KCTD2: variants seen among roughly 807,000 people sequenced by gnomAD.
The protein encoded by KCTD2 is potassium channel tetramerization domain containing 2, also known as BTB/POZ domain-containing protein KCTD2.
A neutral mutation model predicts 27.9 loss-of-function variants in KCTD2; 18 were observed. That is an observed-to-expected ratio of 0.64 (90% CI 0.45 to 0.96). The LOEUF (loss-of-function observed/expected upper bound fraction) is 0.96. KCTD2 is among the 40% of genes least tolerant of loss of function. The pLI is 0.00. For synonymous variants in KCTD2, 175 were observed against 148.4 expected, an observed-to-expected ratio of 1.18 and a Z score of -1.30; for missense variants, 280 against 348.0, an observed-to-expected ratio of 0.80 and a Z score of 1.56.
chr17:75,060,662 C>T (rs12232542), intron 4 of KCTD2: 120,827 of 1,511,446 alleles, frequency 0.08, 12,598 homozygotes, highest in East Asian at 0.64. Context: ...AGGGAGGGCG[C>T]GCGTGCGAGG....
rs752034912 is a variant in KCTD2, at chr17:75,059,526, T to C, written c.557T>C (p.Val186Ala). The change falls in exon 4 of 6, where the codon GTG becomes GCG. Residue 186 changes from valine (V) to alanine (A), a missense_variant. Coordinates refer to ENST00000322444, the MANE Select transcript of KCTD2 (RefSeq NM_015353.3). The stretch of plus-strand genomic sequence containing the variant: ...TCATTGCAGGGCCCCGTGAAGCACG[T>C]GTACAGAGTCCTGCAGTGTCAGGAA... The part of the protein sequence containing the change: ...NRTSQGPVKH[V>A]YRVLQCQEEE... The C allele has an allele frequency of 6.2e-7, 1 of 1,613,632 alleles. No homozygotes were observed. Among genetic ancestry groups the C allele is most frequent in the South Asian group, 1.1e-5 (1 of 91,044 alleles).
chr17:75,062,370 C>A, intron 5 of KCTD2, 125 bp downstream of exon 5: 1 of 890,296 alleles, frequency 1.1e-6, no homozygotes. Flanking sequence ...TGCATTTTCC[C>A]CTCGTTTTGT....
At position 75,057,597 on chromosome 17, in the gene KCTD2, T is replaced by C. The variant is rs545080110; in HGVS notation, c.541-1913T>C. ...TTCCTCGAGGCAGAGTCTTACTCTG[T>C]CGCCCAGGCTGGAGTGCAATGGCGC... On this transcript the variant is annotated intron_variant, in intron 3 of 5. Coordinates refer to ENST00000322444, the MANE Select transcript of KCTD2 (RefSeq NM_015353.3). 1.9e-4 allele frequency among the ~76,000 whole-genome samples: 29 copies of C among 150,044 alleles called. No individual in the cohort carries two copies. In the East Asian group the frequency reaches 5.0e-3, roughly 26 times the overall value.
In KCTD2 at chr17:75,059,641, G is replaced by A. The variant is rs191095843; in HGVS notation, c.636+36G>A. The A allele has an allele frequency of 1.0e-4, 151 of 1,493,514 alleles. No homozygotes were observed. In the East Asian group the frequency reaches 1.3e-3, roughly 13 times the overall value. The allele number at this position is 1,493,514 out of a possible 1,614,324, so 92.5% of individuals were successfully genotyped here. A position where few individuals can be genotyped will look rare whatever the true frequency, so the allele number is the denominator to read the frequency against. The stretch of plus-strand genomic sequence containing the variant: ...TAACAGAGCAGCAATCCCAGGCCCC[G>A]TTCAAGGGGTCTGCAGCTCTTCAAA... On this transcript the variant is annotated intron_variant, in intron 4 of 5. Coordinates refer to ENST00000322444, the MANE Select transcript of KCTD2 (RefSeq NM_015353.3).
chr17:75,061,701 G>T (rs950432831), intron 4 of KCTD2, among the ~76,000 whole-genome samples: 1 of 152,156 alleles, frequency 6.6e-6, no homozygotes. Context: ...TCAGTGATTG[G>T]CTCGGTGCTT....
At chr17:75,044,426 C>T (rs1218031368), upstream of KCTD2, among the ~76,000 whole-genome samples, 2 of 113,782 alleles carry the variant, frequency 1.8e-5, no homozygotes, top group Non-Finnish European at 3.1e-5. Context: ...AGGATGGTCT[C>T]GATCTCCTGA....
chr17:75,051,210 C>T (rs1486393226), intron 2 of KCTD2, among the ~76,000 whole-genome samples: 1 of 150,748 alleles, frequency 6.6e-6, no homozygotes, highest in Non-Finnish European at 1.5e-5. Flanking sequence ...GATCTCCTGA[C>T]CTTGTGATCT....
chr17:75,047,657 G>C lies in KCTD2; in HGVS notation c.339+68G>C, dbSNP rs60135053. 3 of 1,491,994 alleles carry C rather than the reference G, an allele frequency of 2.0e-6. No homozygotes were observed. The Admixed American group carries it at 6.2e-5, about 31-fold the overall frequency. The allele number at this position is 1,491,994 out of a possible 1,614,324, so 92.4% of individuals were successfully genotyped here. ...CTGGTTTCTCGTAGATCGGTCCCCA[G>C]AGTCCTGAGACACGCTCCTCACAGG... On this transcript the variant is annotated intron_variant, in intron 1 of 5. Transcript: ENST00000322444.
chr17:75,055,497 C>G (rs1048745461), intron 3 of KCTD2, among the ~76,000 whole-genome samples: 3 of 151,574 alleles, frequency 2.0e-5, no homozygotes, highest in Non-Finnish European at 2.9e-5. Flanking sequence ...GGGCAGATCA[C>G]TTGAGGTCAG....
intron 3 of KCTD2, chr17:75,042,131 T>C (rs1240780134): frequency 6.6e-7 from 1 of 1,507,698 alleles, no homozygotes; most frequent in East Asian, 2.3e-5. Flanking sequence ...TCCTGCTCCC[T>C]ACCCACAGGC....
chr17:75,036,242 C>G (rs1363438956), intron 3 of KCTD2, among the ~76,000 whole-genome samples: 4 of 151,366 alleles, frequency 2.6e-5, no homozygotes, highest in Admixed American at 2.6e-4. Flanking sequence ...TTGTCTGCAG[C>G]AGACAAACAA....
At chr17:75,036,895 G>T (rs1485030962) in intron 3 of KCTD2, among the ~76,000 whole-genome samples, 1 of 152,096 alleles carries the variant, frequency 6.6e-6, no homozygotes, top group Admixed American at 6.6e-5. Flanking sequence ...AGTTTTGGGG[G>T]GAGTAGACTC....
rs2073232455 is a variant in KCTD2, at chr17:75,047,271, C to G, written c.21C>G (p.Asp7Glu). MAELQLDPAMAGLGGGG... is the reference protein window; with the variant it reads MAELQLEPAMAGLGGGG... The stretch of plus-strand genomic sequence containing the variant: ...CCAAGATGGCGGAACTGCAGCTGGA[C>G]CCGGCGATGGCGGGGCTGGGAGGGG... Residue 7 changes from aspartate to glutamate, a missense_variant, in exon 1 of 6, where the codon GAC becomes GAG. Asp to Glu is a conservative substitution (Grantham distance 45, BLOSUM62 2). Coordinates refer to ENST00000322444, the MANE Select transcript of KCTD2 (RefSeq NM_015353.3). 1 of 1,083,044 alleles carries G rather than the reference C, an allele frequency of 9.2e-7. No individual in the cohort carries two copies. The highest frequency in any genetic ancestry group is 3.7e-5 in the East Asian group (1 of 26,904). 67.1% of individuals were successfully genotyped at this position (1,083,044 alleles called of 1,614,324 possible).
intron 5 of KCTD2, among the ~76,000 whole-genome samples, chr17:75,062,564 G>A (rs1000353180): frequency 1.3e-5 from 2 of 151,990 alleles, no homozygotes; most frequent in Non-Finnish European, 2.9e-5. Context: ...AAGGTATTTT[G>A]ATTTATTCTT....
chr17:75,045,873 G>C (rs1422356503), upstream of KCTD2, among the ~76,000 whole-genome samples: 1 of 152,240 alleles, frequency 6.6e-6, no homozygotes, highest in Non-Finnish European at 1.5e-5. Context: ...CTGGGGAAGT[G>C]ATAAGTGTCC....
At chr17:75,033,412 T>C (rs1329510769) in intron 1 of KCTD2, among the ~76,000 whole-genome samples, 1 of 152,124 alleles carries the variant, frequency 6.6e-6, no homozygotes, top group African/African-American at 2.4e-5. Context: ...ATATATATAT[T>C]TCTACTATTA....
intron 2 of KCTD2, among the ~76,000 whole-genome samples, chr17:75,051,277 C>CTTTTTTTTTT (rs35794705): frequency 1.5e-5 from 1 of 64,584 alleles, no homozygotes; most frequent in Non-Finnish European, 2.8e-5. Context: ...CGCGCCCGAC[C>CTTTTTTTTTT]TTTTTTTTTT....
upstream of KCTD2, among the ~76,000 whole-genome samples, chr17:75,044,023 CT>C (rs11312083): frequency 0.19 from 24,266 of 127,636 alleles, 3,582 homozygotes; most frequent in African/African-American, 0.49. Flanking sequence ...ACGTTGTGCA[CT>C]TTTTTTTTTT....
chr17:75,054,509 A>T (rs2073329203), intron 3 of KCTD2, among the ~76,000 whole-genome samples: 1 of 152,164 alleles, frequency 6.6e-6, no homozygotes, highest in South Asian at 2.1e-4. Flanking sequence ...CCTTGCCCTC[A>T]AGAAGCTTGA....
Sources: gnomAD v4.1 joint callset for allele counts (sites outside exome capture counted in the v4.1 genomes callset) on GRCh38, gnomAD v4.1.1 for gene constraint, MANE v1.5 for transcripts, NCBI Gene and HGNC (gene_info 2026-07-23, HGNC 2026-07-21) for gene names.